ZNF492: variants seen among roughly 807,000 people sequenced by gnomAD.
The protein encoded by ZNF492 is zinc finger protein 115 (Y20).
A neutral mutation model predicts 6.4 loss-of-function variants in ZNF492; 3 were observed. The observed-to-expected ratio is 0.47, with a 90% CI of 0.21 to 1.22. The LOEUF (loss-of-function observed/expected upper bound fraction) is 1.22. ZNF492 is among the 50% of genes most tolerant of loss of function. The pLI is 0.22. For missense variants in ZNF492, 356 were observed against 612.5 expected (o/e 0.58, Z 4.42); for synonymous variants, 112 against 205.3 (o/e 0.55, Z 3.89).
At chr19:22,648,285 A>C (rs1029130836) in intron 1 of ZNF492, among the ~76,000 whole-genome samples, 1 of 152,156 alleles carries the variant, frequency 6.6e-6, no homozygotes, top group Non-Finnish European at 1.5e-5. Flanking sequence ...CCCGAGTTCT[A>C]ATTTGACTGT....
intron 2 of ZNF492, among the ~76,000 whole-genome samples, chr19:22,653,687 C>T (rs1269549899): frequency 2.0e-5 from 3 of 151,784 alleles, no homozygotes; most frequent in Non-Finnish European, 2.9e-5. Context: ...GTACTGTTGC[C>T]CACATCTTAA....
In ZNF492 at chr19:22,651,712, A is replaced by G. The variant is rs2082444; in HGVS notation, c.-93-1595A>G. ...AGATACTCAAGATTCCTATTGGGGA[A>G]AAGCTGGGGTCCTTAATAAAGATGG... On this transcript the variant is annotated intron_variant, in intron 1 of 3. Coordinates refer to ENST00000456783, the MANE Select transcript of ZNF492 (RefSeq NM_020855.3). 7.5e-3 allele frequency among the ~76,000 whole-genome samples: 1,143 copies of G among 152,198 alleles called. 13 individuals are homozygous for G. Among genetic ancestry groups the G allele is most frequent in the African/African-American group, 0.026 (1,082 of 41,468 alleles).
intron 1 of ZNF492, among the ~76,000 whole-genome samples, chr19:22,636,185 C>A (rs1335880827): frequency 6.6e-6 from 1 of 151,758 alleles, no homozygotes; most frequent in East Asian, 2.0e-4. Flanking sequence ...CGGCAACCTC[C>A]GCCTCCCAGG....
rs1325949787 is a variant in ZNF492, at chr19:22,651,129, C to T, written c.-93-2178C>T. Among the ~76,000 whole-genome samples the T allele has an allele frequency of 6.6e-5, 10 of 152,118 alleles. No individual in the cohort carries two copies. In the South Asian group the frequency reaches 8.3e-4, roughly 13 times the overall value. On this transcript the variant is annotated intron_variant, in intron 1 of 3. Coordinates refer to ENST00000456783, the MANE Select transcript of ZNF492 (RefSeq NM_020855.3). ...TCGGCTAAGTAGCACATTCATTCAC[C>T]GCCTCCCTTGGCTGGGGGGTGGGGG...
At chr19:22,641,938 C>T (rs1358569703) in intron 1 of ZNF492, among the ~76,000 whole-genome samples, 5 of 152,044 alleles carry the variant, frequency 3.3e-5, no homozygotes, top group African/African-American at 4.8e-5. Context: ...GGACTACAGG[C>T]GCCTGCCACC....
At position 22,634,327 on chromosome 19, in the gene ZNF492, T is replaced by G; in HGVS notation, c.-241T>G. On this transcript the variant is annotated 5_prime_UTR_variant, in exon 1 of 4. Transcript: ENST00000456783. ...GCGGCTTCCGGGATGTGGCGGGGTC[T>G]TTGTCTCTCGCTGCAGTCGGAGTAT... is the stretch of plus-strand genomic sequence containing the variant. 1.1e-6 allele frequency: 1 copy of G among 919,932 alleles called. No individual in the cohort carries two copies. The highest frequency in any genetic ancestry group is 1.6e-6 in the Non-Finnish European group (1 of 612,188). The allele number at this position is 919,932 out of a possible 1,614,324, so 57.0% of individuals were successfully genotyped here.
At chr19:22,659,010 C>T (rs879569998) in intron 3 of ZNF492, among the ~76,000 whole-genome samples, 4 of 151,954 alleles carry the variant, frequency 2.6e-5, no homozygotes, top group Non-Finnish European at 4.4e-5. Context: ...ATTCTGTATA[C>T]TCGAGGGATT....
chr19:22,635,126 T>C (rs1971747739), intron 1 of ZNF492, among the ~76,000 whole-genome samples: 1 of 152,136 alleles, frequency 6.6e-6, no homozygotes, highest in South Asian at 2.1e-4. Context: ...TATCGTTAGT[T>C]AAGCCTGAAT....
chr19:22,634,741 G>T (rs1971742789), intron 1 of ZNF492, among the ~76,000 whole-genome samples: 1 of 152,162 alleles, frequency 6.6e-6, no homozygotes, highest in South Asian at 2.1e-4. Context: ...CACCCGCAGC[G>T]TCGTGTCTCT....
chr19:22,660,260 A>G (rs879592413), intron 3 of ZNF492, among the ~76,000 whole-genome samples: 34 of 152,144 alleles, frequency 2.2e-4, no homozygotes, highest in African/African-American at 8.0e-4. Context: ...TTTTATATAT[A>G]CATTTAAATA....
chr19:22,658,945 C>T (rs541477693), intron 3 of ZNF492, among the ~76,000 whole-genome samples: 28 of 151,236 alleles, frequency 1.9e-4, no homozygotes, highest in Non-Finnish European at 1.5e-4. Flanking sequence ...TGTAATGCCT[C>T]CAACATTGTT....
intron 1 of ZNF492, among the ~76,000 whole-genome samples, chr19:22,647,257 G>GTTTTTTTT (rs777750378): frequency 1.0e-4 from 14 of 140,262 alleles, no homozygotes; most frequent in African/African-American, 3.6e-4. Context: ...TTTGTTTGTT[G>GTTTTTTTT]TTGTTTTTTT....
At chr19:22,652,221 C>CCTTTTTTTT (rs1971946675) in intron 1 of ZNF492, among the ~76,000 whole-genome samples, 1 of 105,508 alleles carries the variant, frequency 9.5e-6, no homozygotes, top group Non-Finnish European at 1.7e-5. Context: ...CTTTCTTAGG[C>CCTTTTTTTT]TTTTTTTTTT....
chr19:22,636,245 A>G (rs1484323264), intron 1 of ZNF492, among the ~76,000 whole-genome samples: 1 of 151,956 alleles, frequency 6.6e-6, no homozygotes, highest in Non-Finnish European at 1.5e-5. Flanking sequence ...GATTACAGGC[A>G]TGCGCCACCA....
intron 1 of ZNF492, among the ~76,000 whole-genome samples, chr19:22,642,350 A>G (rs947946101): frequency 1.3e-5 from 2 of 150,874 alleles, no homozygotes; most frequent in Non-Finnish European, 3.0e-5. Flanking sequence ...TGAAATATAC[A>G]TAAATTATAT....
At position 22,648,923 on chromosome 19, in the gene ZNF492, C is replaced by T. The variant is rs151329094; in HGVS notation, c.-93-4384C>T. 6.0e-3 allele frequency among the ~76,000 whole-genome samples: 921 copies of T among 152,258 alleles called. 11 individuals are homozygous for T. Among genetic ancestry groups the T allele is most frequent in the African/African-American group, 0.019 (776 of 41,538 alleles). On this transcript the variant is annotated intron_variant, in intron 1 of 3. Transcript: ENST00000456783. ...TGTGTCTTTTAATTTGGGCATTTAG[C>T]CCATTTACATTTAAGGTTAGTATTG...
chr19:22,634,369 T>C lies in ZNF492; in HGVS notation c.-199T>C. ...TCGGAGTATGGTCTAGTGTTCGCTG[T>C]TCTGCGTCCTCTGGTCCTAGAGGCC... On this transcript the variant is annotated 5_prime_UTR_variant, in exon 1 of 4. Transcript: ENST00000456783. 8.4e-7 allele frequency: 1 copy of C among 1,185,114 alleles called. No individual in the cohort carries two copies. The highest frequency in any genetic ancestry group is 1.2e-6 in the Non-Finnish European group (1 of 817,946). 73.4% of individuals were successfully genotyped at this position (1,185,114 alleles called of 1,614,324 possible).
intron 3 of ZNF492, among the ~76,000 whole-genome samples, chr19:22,655,675 A>ATTTTTTTTTTTTTTTTTT (rs201831166): frequency 1.2e-4 from 13 of 109,430 alleles, no homozygotes; most frequent in Admixed American, 2.7e-4. Context: ...CAGTGACTTA[A>ATTTTTTTTTTTTTTTTTT]TTTTTTTTTT....
chr19:22,638,820 A>G (rs1243415013), intron 1 of ZNF492, among the ~76,000 whole-genome samples: 3 of 150,074 alleles, frequency 2.0e-5, no homozygotes, highest in African/African-American at 7.5e-5. Flanking sequence ...CAGGATGACT[A>G]TTTTAATAAT....
Sources: gnomAD v4.1 joint callset for allele counts (sites outside exome capture counted in the v4.1 genomes callset) on GRCh38, gnomAD v4.1.1 for gene constraint, MANE v1.5 for transcripts, NCBI Gene and HGNC (gene_info 2026-07-23, HGNC 2026-07-21) for gene names.